The following NLRC5 variants were observed in gnomAD, a reference collection of about 807,000 sequenced individuals.
NLRC5 encodes the protein NLR family CARD domain containing 5.
Under a neutral mutation model 206.9 loss-of-function variants are expected in NLRC5, and 114 were observed. The ratio of observed to expected loss-of-function variants is 0.55; its 90% CI spans 0.47 to 0.64. The LOEUF (loss-of-function observed/expected upper bound fraction) is 0.64, where lower values mean the gene tolerates loss of function less well. Ranked by LOEUF, NLRC5 falls within the 30% of genes least tolerant of loss-of-function variation. The pLI is 0.00. For synonymous variants in NLRC5, 952 were observed against 962.8 expected (o/e 0.99, Z 0.21); for missense variants, 2,008 against 2,305.5 (o/e 0.87, Z 2.64).
In NLRC5 at chr16:57,054,720, T is replaced by C. The variant is rs757960863; in HGVS notation, c.3507-31T>C. 6 of 1,288,506 alleles carry C rather than the reference T, an allele frequency of 4.7e-6. 1 individual carries two copies. In the South Asian group the frequency reaches 7.0e-5, roughly 15 times the overall value. The allele number at this position is 1,288,506 out of a possible 1,614,324, so 79.8% of individuals were successfully genotyped here. A position where few individuals can be genotyped will look rare whatever the true frequency, so the allele number is the denominator to read the frequency against. On this transcript the variant is annotated intron_variant, in intron 24 of 48. Coordinates refer to ENST00000688547, the MANE Select transcript of NLRC5 (RefSeq NM_001384950.1). The stretch of plus-strand genomic sequence containing the variant: ...GCTAGCCAGGTTCCTTGTCCACTCA[T>C]CTTGCCGGATCTACCCCCTTTCCTT...
Position 57,020,987 on chromosome 16 carries a change from G to A in NLRC5, c.275G>A (p.Ser92Asn). ...VPLDLEVLLL[S>N]TFGYDDGFTS... ...CTGGACCTGGAGGTGCTGCTGCTGA[G>A]TACTTTTGGCTATGATGATGGTAAG... The change falls in exon 3 of 49, where the codon AGT (serine) becomes AAT (asparagine). Residue 92 changes from serine to asparagine, a missense_variant. Ser to Asn is a conservative substitution (Grantham distance 46). Coordinates refer to ENST00000688547, the MANE Select transcript of NLRC5 (RefSeq NM_001384950.1). The A allele has an allele frequency of 1.2e-6, 2 of 1,613,778 alleles. No homozygotes were observed. The highest frequency in any genetic ancestry group is 1.1e-5 in the South Asian group (1 of 91,082).
At chr16:57,014,972 A>G (rs2059895533) in intron 1 of NLRC5, among the ~76,000 whole-genome samples, 1 of 150,046 alleles carries the variant, frequency 6.7e-6, no homozygotes, top group South Asian at 2.1e-4. Flanking sequence ...TCTGTTGCCC[A>G]GACTGGAGTG....
intron 22 of NLRC5, among the ~76,000 whole-genome samples, chr16:57,046,954 T>A (rs9925905): frequency 0.55 from 83,592 of 151,986 alleles, 23,672 homozygotes; most frequent in East Asian, 0.79. Context: ...GACACCCACT[T>A]TCCAGAAAGA....
intron 32 of NLRC5, chr16:57,062,403 G>A: frequency 3.2e-6 from 1 of 315,536 alleles, no homozygotes; most frequent in Non-Finnish European, 6.1e-6. Flanking sequence ...GTCTGCATTT[G>A]CACGGGATGG....
intron 1 of NLRC5, among the ~76,000 whole-genome samples, chr16:57,010,498 C>T (rs759005670): frequency 4.6e-5 from 7 of 152,152 alleles, no homozygotes; most frequent in South Asian, 2.1e-4. Flanking sequence ...CACAGCCTCC[C>T]GATTAGCTGG....
intron 1 of NLRC5, among the ~76,000 whole-genome samples, chr16:56,994,048 G>A (rs2057295588): frequency 6.6e-6 from 1 of 152,040 alleles, no homozygotes; most frequent in East Asian, 1.9e-4. Flanking sequence ...AAATACGTTT[G>A]GGAAAATACT....
intron 15 of NLRC5, 93 bp downstream of exon 15, chr16:57,037,377 C>A (rs77467915): frequency 2.3e-5 from 27 of 1,180,906 alleles, no homozygotes; most frequent in Non-Finnish European, 3.1e-5. Flanking sequence ...GGCCTTGGGA[C>A]GGGCAGAAGA....
intron 32 of NLRC5, chr16:57,062,140 AT>A (rs1490377066): frequency 3.5e-6 from 3 of 849,506 alleles, no homozygotes; most frequent in Non-Finnish European, 5.1e-6. Context: ...ATTTGCTTCT[AT>A]TTTTATTTTT....
chr16:57,018,322 C>A (rs2060296050), intron 2 of NLRC5, among the ~76,000 whole-genome samples: 1 of 152,232 alleles, frequency 6.6e-6, no homozygotes, highest in African/African-American at 2.4e-5. Context: ...ATTTACTGGC[C>A]TGGGAGGCAA....
intron 32 of NLRC5, among the ~76,000 whole-genome samples, chr16:57,063,661 C>T (rs1292413960): frequency 7.3e-5 from 11 of 149,822 alleles, no homozygotes; most frequent in African/African-American, 2.2e-4. Context: ...AAGTGCTAGG[C>T]GTGAGCCACC....
Position 57,036,186 on chromosome 16 carries a change from G to A in NLRC5, c.2711+3G>A. The stretch of plus-strand genomic sequence containing the variant: ...CTGCACATCGCCAGGAAGCTGGAGT[G>A]AGTTGTCCACCCCACCGCTGGGTAC... On this transcript the variant is annotated splice_donor_region_variant and intron_variant, in intron 14 of 48. Coordinates refer to ENST00000688547, the MANE Select transcript of NLRC5 (RefSeq NM_001384950.1). 3 of 1,612,754 alleles carry A rather than the reference G, an allele frequency of 1.9e-6. 1 individual carries two copies. The highest frequency in any genetic ancestry group is 1.7e-6 in the Non-Finnish European group (2 of 1,179,794).
chr16:57,077,902 G>A, intron 42 of NLRC5, 41 bp from the exon 43 acceptor site: 1 of 1,610,564 alleles, frequency 6.2e-7, no homozygotes, highest in African/African-American at 1.3e-5. Context: ...GTCCCGAGTG[G>A]GCAGGCCCAG....
chr16:57,058,363 A>G lies in NLRC5; in HGVS notation c.3830+215A>G. On this transcript the variant is annotated intron_variant, in intron 28 of 48. Coordinates refer to ENST00000688547, the MANE Select transcript of NLRC5 (RefSeq NM_001384950.1). ...ACCATGGGCAGATCCTCCACCAAAC[A>G]CCCAAGAGAGGCTGTGATTCGTGGC... The G allele has an allele frequency of 5.4e-6, 3 of 557,038 alleles. No individual in the cohort carries two copies. The South Asian group carries it at 6.4e-5, about 12-fold the overall frequency. The allele number at this position is 557,038 out of a possible 1,614,324, so 34.5% of individuals were successfully genotyped here.
At position 57,026,111 on chromosome 16, in the gene NLRC5, C is replaced by T. The variant is rs1567552438; in HGVS notation, c.1168C>T (p.Leu390=). 1 of 1,614,050 alleles carries T rather than the reference C, an allele frequency of 6.2e-7. No homozygotes were observed. The highest frequency in any genetic ancestry group is 1.3e-5 in the African/African-American group (1 of 74,956). Residue 390 remains leucine (L), a synonymous_variant, in exon 6 of 49, where the codon CTG becomes TTG. Transcript: ENST00000688547. The stretch of plus-strand genomic sequence containing the variant: ...CGCCCAGCCATCGCGGGAGGGGGCC[C>T]TGGTGGAGTTACAGACAAATGGACG... ...FSAQPSREGA[L]VELQTNGRLR...
At chr16:57,070,421 A>G in intron 37 of NLRC5, 114 bp from the exon 38 acceptor site, 1 of 841,884 alleles carries the variant, frequency 1.2e-6, no homozygotes, top group Non-Finnish European at 2.0e-6. Flanking sequence ...CAGGGCATGC[A>G]GATGCAGAGT....
chr16:57,001,772 A>G (rs1265644501), intron 1 of NLRC5, among the ~76,000 whole-genome samples: 3 of 152,092 alleles, frequency 2.0e-5, no homozygotes, highest in Non-Finnish European at 4.4e-5. Context: ...ACTTTTTGTT[A>G]TTTTTAAATG....
intron 1 of NLRC5, among the ~76,000 whole-genome samples, chr16:57,016,220 A>T (rs1567531971): frequency 6.6e-6 from 1 of 152,232 alleles, no homozygotes; most frequent in Non-Finnish European, 1.5e-5. Flanking sequence ...ATCTCAAGAA[A>T]AAAGAAAGAG....
chr16:56,999,971 C>T (rs1161903114), intron 1 of NLRC5, among the ~76,000 whole-genome samples: 2 of 149,482 alleles, frequency 1.3e-5, no homozygotes, highest in African/African-American at 2.6e-5. Flanking sequence ...CCAGTGCCTG[C>T]GTTCTACCTC....
chr16:57,036,031 G>A (rs2062523076), intron 13 of NLRC5, 69 bp from the exon 14 acceptor site: 3 of 1,414,532 alleles, frequency 2.1e-6, no homozygotes, highest in Non-Finnish European at 3.0e-6. Context: ...TAGCAAAGGA[G>A]GAGTAAGTGA....
Sources: gnomAD v4.1 joint callset for allele counts (sites outside exome capture counted in the v4.1 genomes callset) on GRCh38, gnomAD v4.1.1 for gene constraint, MANE v1.5 for transcripts, NCBI Gene and HGNC (gene_info 2026-07-23, HGNC 2026-07-21) for gene names.